Variants in MTA2 observed in about 807,000 individuals in gnomAD.
The protein encoded by MTA2 is metastasis associated 1 family member 2, also known as metastasis-associated protein MTA2.
Under a neutral mutation model 87.1 loss-of-function variants are expected in MTA2, and 22 were observed. That is an observed-to-expected ratio of 0.25 (90% CI 0.18 to 0.36). The LOEUF is 0.36. MTA2 is among the 10% of genes least tolerant of loss of function. The pLI is 1.00. For synonymous variants in MTA2, 314 were observed against 310.1 expected (o/e 1.01, Z -0.13); for missense variants, 542 against 853.2 (o/e 0.64, Z 4.54).
chr11:62,595,212 TG>T lies in MTA2; in HGVS notation c.1483+51del. ...AGACATCCAGAGAAACAACGGTCTCTGGGCAGAGCAATCCGAAACCCACCAC... is the reference window on the plus strand; with the variant it reads ...AGACATCCAGAGAAACAACGGTCTCTGGCAGAGCAATCCGAAACCCACCAC... On this transcript the variant is annotated intron_variant, in intron 14 of 17. Coordinates refer to ENST00000278823, the MANE Select transcript of MTA2 (RefSeq NM_004739.4). The surrounding 1 kb of genome is among the most constrained non-coding windows in gnomAD (Gnocchi z 4.9). 6.3e-7 allele frequency: 1 copy of T among 1,578,328 alleles called. No individual in the cohort carries two copies. The highest frequency in any genetic ancestry group is 8.7e-7 in the Non-Finnish European group (1 of 1,149,626).
rs1201886569 is a variant in MTA2 at position 62,598,316 on chromosome 11, C to G, written c.372+11G>C. 1 of 1,613,782 alleles carries G rather than the reference C, an allele frequency of 6.2e-7. No individual in the cohort carries two copies. The highest frequency in any genetic ancestry group is 1.6e-4 in the Middle Eastern group (1 of 6,062). Reference sequence around the variant, plus strand: ...ATTCCCCTCGCTCTTCTCTCAACATCTCTTTCTCACCTCCTTTTCCAGGTA... The same window carrying G: ...ATTCCCCTCGCTCTTCTCTCAACATGTCTTTCTCACCTCCTTTTCCAGGTA... On this transcript the variant is annotated intron_variant, in intron 5 of 17. Coordinates refer to ENST00000278823, the MANE Select transcript of MTA2 (RefSeq NM_004739.4).
chr11:62,601,038 C>T (rs1942183443), intron 1 of MTA2: 1 of 489,930 alleles, frequency 2.0e-6, no homozygotes, highest in Non-Finnish European at 3.6e-6. Flanking sequence ...CGAATCGAGG[C>T]GCACAATAAC....
Position 62,596,398 on chromosome 11 carries a change from A to G in MTA2, c.957+60T>C. 4 of 1,613,222 alleles carry G rather than the reference A, an allele frequency of 2.5e-6. No homozygotes were observed. The South Asian group carries it at 4.4e-5, about 18-fold the overall frequency. ...CCTCATAGCAGGGAGAATGTCATCAACTTCAAAGGCAGAGGTCAGCAGGTA... is the reference window on the plus strand; with the variant it reads ...CCTCATAGCAGGGAGAATGTCATCAGCTTCAAAGGCAGAGGTCAGCAGGTA... On this transcript the variant is annotated intron_variant, in intron 10 of 17. Transcript: ENST00000278823.
At chr11:62,596,230 AGGGGAAG>A (rs754653284) in intron 11 of MTA2, 42 bp downstream of exon 11, 35 of 1,604,008 alleles carry the variant, frequency 2.2e-5, no homozygotes, top group Non-Finnish European at 3.0e-5. Context: ...GGCACAAGTT[AGGGGAAG>A]GGAAGGAAAA....
At chr11:62,600,507 A>G in intron 2 of MTA2, 115 bp downstream of exon 2, 1 of 1,009,666 alleles carries the variant, frequency 9.9e-7, no homozygotes, top group South Asian at 1.6e-5. Context: ...CATCCAATGA[A>G]TGAATGAACG....
chr11:62,595,017 C>T lies in MTA2; in HGVS notation c.1537G>A (p.Val513Met). Residue 513 changes from valine to methionine, a missense_variant, in exon 15 of 18, where the codon GTG (valine) becomes ATG (methionine). Physicochemically the swap from Val to Met is conservative, Grantham distance 21. Transcript: ENST00000278823. The surrounding 1 kb of genome is among the most constrained non-coding windows in gnomAD (Gnocchi z 4.9). Reference protein sequence around the residue: ...AKTPLKIHPLVRLPLATIVKD... With the variant: ...AKTPLKIHPLMRLPLATIVKD... ...ACGATAGTTGCCAGGGGCAGCCGCA[C>T]CAGAGGGTGAATCTTCAATGGAGTC... 1 of 1,614,156 alleles carries T rather than the reference C, an allele frequency of 6.2e-7. No homozygotes were observed. The highest frequency in any genetic ancestry group is 8.5e-7 in the Non-Finnish European group (1 of 1,180,032).
In MTA2 at chr11:62,595,435, T is replaced by A. The variant is rs1457558557; in HGVS notation, c.1312A>T (p.Thr438Ser). The A allele has an allele frequency of 6.2e-7, 1 of 1,614,228 alleles. No individual in the cohort carries two copies. Among genetic ancestry groups the A allele is most frequent in the South Asian group, 1.1e-5 (1 of 91,088 alleles). ...RPEAQSLSPY[T>S]TSANRAKLLA... The stretch of plus-strand genomic sequence containing the variant: ...AGCTTGGCCCTGTTGGCGCTGGTTG[T>A]GTAAGGAGAGAGACTTTGAGCTTCA... The change falls in exon 14 of 18, where the codon ACA becomes TCA. Residue 438 changes from threonine (T) to serine (S), a missense_variant. Thr to Ser is a moderately conservative substitution (Grantham distance 58, BLOSUM62 1). Coordinates refer to ENST00000278823, the MANE Select transcript of MTA2 (RefSeq NM_004739.4). This position sits in a 1 kb window ranked among gnomAD's most constrained non-coding sequence, Gnocchi z 4.9.
rs1328081549 is a variant in MTA2, at chr11:62,594,646, C to T, written c.1574-12G>A. 5 of 1,611,330 alleles carry T rather than the reference C, an allele frequency of 3.1e-6. No homozygotes were observed. The South Asian group carries it at 4.4e-5, about 14-fold the overall frequency. On this transcript the variant is annotated splice_polypyrimidine_tract_variant and intron_variant, in intron 15 of 17. Coordinates refer to ENST00000278823, the MANE Select transcript of MTA2 (RefSeq NM_004739.4). ...GGGTGCCTGGGCCACTGGAAAAAAACAGAAAACTTTCGCACCTTTTCTTCC... is the reference window on the plus strand; with the variant it reads ...GGGTGCCTGGGCCACTGGAAAAAAATAGAAAACTTTCGCACCTTTTCTTCC...
intron 2 of MTA2, 73 bp from the exon 3 acceptor site, chr11:62,600,332 A>C (rs1231346925): frequency 7.5e-7 from 1 of 1,337,866 alleles, no homozygotes; most frequent in African/African-American, 1.5e-5. Context: ...AGAAATGCAC[A>C]AAGAGACAAA....
chr11:62,597,806 C>T lies in MTA2; in HGVS notation c.491-94G>A, dbSNP rs1184293982. 2.7e-6 allele frequency: 3 copies of T among 1,115,076 alleles called. No individual in the cohort carries two copies. In the African/African-American group the frequency reaches 4.7e-5, roughly 17 times the overall value. The allele number at this position is 1,115,076 out of a possible 1,614,324, so 69.1% of individuals were successfully genotyped here. A position where few individuals can be genotyped will look rare whatever the true frequency, so the allele number is the denominator to read the frequency against. On this transcript the variant is annotated intron_variant, in intron 6 of 17. Transcript: ENST00000278823. ...AATAGCACCTCCTCCTTCTCTTCTT[C>T]TGCTTGGATTCTATCAACTCTCCGA...
chr11:62,597,866 A>T (rs1307456803), intron 6 of MTA2, among the ~76,000 whole-genome samples, 154 bp from the exon 7 acceptor site: 1 of 151,900 alleles, frequency 6.6e-6, no homozygotes, highest in African/African-American at 2.4e-5. Context: ...TTCCCTTTTC[A>T]GGTTCCTACA....
rs374648574 is a variant in MTA2, at chr11:62,600,697, G to T, written c.29-8C>A. 82 of 1,612,848 alleles carry T rather than the reference G, an allele frequency of 5.1e-5. No homozygotes were observed. In the African/African-American group the frequency reaches 9.1e-4, roughly 18 times the overall value. Reference sequence around the variant, plus strand: ...TCTCAAAATAGACGTAATCTGTAAGGGAAGGGAGGGGGGAGAACCACGAAG... The same window carrying T: ...TCTCAAAATAGACGTAATCTGTAAGTGAAGGGAGGGGGGAGAACCACGAAG... On this transcript the variant is annotated splice_polypyrimidine_tract_variant and splice_region_variant and intron_variant, in intron 1 of 17. Transcript: ENST00000278823.
At chr11:62,598,003 C>T (rs1942122662) in intron 6 of MTA2, 21 bp downstream of exon 6, 1 of 1,588,736 alleles carries the variant, frequency 6.3e-7, no homozygotes, top group Non-Finnish European at 8.6e-7. Context: ...GGTAGCCGTA[C>T]AGTCTTGTCC....
Position 62,598,352 on chromosome 11 carries a change from A to G in MTA2, c.347T>C (p.Ile116Thr). ...CTCCTTTTCCAGGTACTGGCTCAAG[A>G]TATCTGTCTCATTCAAGAGGGTCAC... The part of the protein sequence containing the change: ...CSVTLLNETD[I>T]LSQYLEKEDC... The change falls in exon 5 of 18, where the codon ATC (isoleucine) becomes ACC (threonine). Residue 116 changes from isoleucine (I) to threonine (T), a missense_variant. Ile to Thr is a moderately conservative substitution (Grantham distance 89). This residue lies in a region of MTA2 where 150 missense variants were observed against 243.9 expected (regional missense o/e 0.62). Coordinates refer to ENST00000278823, the MANE Select transcript of MTA2 (RefSeq NM_004739.4). The G allele has an allele frequency of 6.2e-7, 1 of 1,613,904 alleles. No homozygotes were observed. The highest frequency in any genetic ancestry group is 8.5e-7 in the Non-Finnish European group (1 of 1,179,990).
At chr11:62,597,875 C>T in intron 6 of MTA2, 149 bp downstream of exon 6, 1 of 982,688 alleles carries the variant, frequency 1.0e-6, no homozygotes, top group South Asian at 1.5e-5. Flanking sequence ...CAGGTTCCTA[C>T]AGGCCCATTC....
chr11:62,595,184 A>C lies in MTA2; in HGVS notation c.1483+80T>G. On this transcript the variant is annotated intron_variant, in intron 14 of 17. Coordinates refer to ENST00000278823, the MANE Select transcript of MTA2 (RefSeq NM_004739.4). This position sits in a 1 kb window ranked among gnomAD's most constrained non-coding sequence, Gnocchi z 4.9. ...TCTGTGGCCTACTATCCCTCCTGTTATTAGACATCCAGAGAAACAACGGTC... is the reference window on the plus strand; with the variant it reads ...TCTGTGGCCTACTATCCCTCCTGTTCTTAGACATCCAGAGAAACAACGGTC... 1 of 1,550,794 alleles carries C rather than the reference A, an allele frequency of 6.4e-7. No individual in the cohort carries two copies. The highest frequency in any genetic ancestry group is 8.9e-7 in the Non-Finnish European group (1 of 1,127,694).
rs952626854 is a variant in MTA2, at chr11:62,595,227, G to A, written c.1483+37C>T. 20 of 1,600,558 alleles carry A rather than the reference G, an allele frequency of 1.2e-5. No individual in the cohort carries two copies. Among genetic ancestry groups the A allele is most frequent in the East Asian group, 2.2e-5 (1 of 44,730 alleles). On this transcript the variant is annotated intron_variant, in intron 14 of 17. Coordinates refer to ENST00000278823, the MANE Select transcript of MTA2 (RefSeq NM_004739.4). The surrounding 1 kb of genome is among the most constrained non-coding windows in gnomAD (Gnocchi z 4.9). ...CAACGGTCTCTGGGCAGAGCAATCC[G>A]AAACCCACCACCAGTCCCACCACTC...
Position 62,600,705 on chromosome 11 carries a change from G to C in MTA2, c.29-16C>G. 1.2e-6 allele frequency: 2 copies of C among 1,609,846 alleles called. No homozygotes were observed. The highest frequency in any genetic ancestry group is 1.7e-6 in the Non-Finnish European group (2 of 1,176,942). On this transcript the variant is annotated splice_polypyrimidine_tract_variant and intron_variant, in intron 1 of 17. Transcript: ENST00000278823. ...TAGACGTAATCTGTAAGGGAAGGGA[G>C]GGGGGAGAACCACGAAGATCAGAGG...
intron 1 of MTA2, 150 bp downstream of exon 1, chr11:62,601,273 C>G (rs1942190647): frequency 1.0e-6 from 1 of 999,708 alleles, no homozygotes; most frequent in Admixed American, 2.2e-5. Context: ...CCCGCACCCT[C>G]TCTCCTCGTC....
Sources: allele counts gnomAD v4.1 joint callset (sites outside exome capture counted in the v4.1 genomes callset), GRCh38; gene constraint gnomAD v4.1.1; regional missense constraint gnomAD v4.1.1; non-coding constraint Gnocchi (gnomAD v3.1); transcripts MANE v1.5; gene names NCBI Gene and HGNC (gene_info 2026-07-23, HGNC 2026-07-21).